TSPAN7: variants seen among roughly 807,000 people sequenced by gnomAD.
TSPAN7 encodes tetraspanin 7.
TSPAN7 carries 1 observed loss-of-function variant against 17.6 expected under a neutral mutation model. That is an observed-to-expected ratio of 0.06 (90% CI 0.02 to 0.27). TSPAN7 has a LOEUF of 0.27. TSPAN7 is among the 10% of genes least tolerant of loss of function. The pLI is 1.00. For synonymous variants in TSPAN7, 78 were observed against 79.0 expected (o/e 0.99, Z 0.07); for missense variants, 112 against 201.7 (o/e 0.56, Z 2.69).
chrX:38,659,663 A>AT (rs2069729093), intron 1 of TSPAN7, among the ~76,000 whole-genome samples: 1 of 63,140 alleles, frequency 1.6e-5, no homozygotes, highest in Admixed American at 2.3e-4. Context: ...TTTTAATTCT[A>AT]ATTTTTTTTT....
chrX:38,617,081 C>T (rs1755813241), intron 1 of TSPAN7, among the ~76,000 whole-genome samples: 2 of 111,928 alleles, frequency 1.8e-5, no homozygotes, highest in South Asian at 7.4e-4. Context: ...AAAGCAGCCA[C>T]AGTGTCCGTG....
intron 5 of TSPAN7, among the ~76,000 whole-genome samples, chrX:38,676,901 C>T (rs746589693): frequency 4.3e-4 from 48 of 112,139 alleles, no homozygotes; most frequent in Admixed American, 1.7e-3. Context: ...TGGACATCCC[C>T]ACTGAGTACC....
At chrX:38,578,312 G>A (rs2069208244) in intron 1 of TSPAN7, among the ~76,000 whole-genome samples, 1 of 111,847 alleles carries the variant, frequency 8.9e-6, no homozygotes, top group African/African-American at 3.2e-5. Context: ...GCATTTGGCC[G>A]GCAGCATTAA....
intron 1 of TSPAN7, among the ~76,000 whole-genome samples, chrX:38,578,620 G>T (rs1020360325): frequency 1.8e-5 from 2 of 110,451 alleles, no homozygotes; most frequent in Non-Finnish European, 3.8e-5. Flanking sequence ...ACTTTGGGGG[G>T]CTTTTTTCTC....
At chrX:38,608,336 G>A (rs981874235) in intron 1 of TSPAN7, 9 of 110,531 alleles carry the variant, frequency 8.1e-5, no homozygotes, top group Non-Finnish European at 1.5e-4. Context: ...TGAACTGTTA[G>A]CATGTGCCAA....
intron 6 of TSPAN7, among the ~76,000 whole-genome samples, chrX:38,682,343 G>A: frequency 8.9e-6 from 1 of 111,926 alleles, no homozygotes; most frequent in Non-Finnish European, 1.9e-5. Flanking sequence ...TTTTATTCCA[G>A]TTTGTTCCTA....
intron 2 of TSPAN7, among the ~76,000 whole-genome samples, chrX:38,670,425 G>A (rs1015030812): frequency 1.4e-4 from 16 of 112,199 alleles, no homozygotes; most frequent in African/African-American, 5.2e-4. Flanking sequence ...CAAAAAACTT[G>A]AGAAGTATCA....
chrX:38,613,072 C>G (rs2069430631), intron 1 of TSPAN7, among the ~76,000 whole-genome samples: 1 of 111,881 alleles, frequency 8.9e-6, no homozygotes. Flanking sequence ...AACTAACACT[C>G]AGGAGCTGGA....
chrX:38,600,929 T>G (rs1347505305), intron 1 of TSPAN7, among the ~76,000 whole-genome samples: 1 of 111,699 alleles, frequency 9.0e-6, no homozygotes, highest in Non-Finnish European at 1.9e-5. Flanking sequence ...TTTGTCTGTT[T>G]AAGCCAAACT....
chrX:38,609,907 G>A (rs375619338), intron 1 of TSPAN7, among the ~76,000 whole-genome samples: 15 of 110,128 alleles, frequency 1.4e-4, no homozygotes, highest in Admixed American at 4.9e-4. Context: ...AAGAAATGTC[G>A]CTAGGTTATG....
chrX:38,615,699 G>A (rs1370230700), intron 1 of TSPAN7, among the ~76,000 whole-genome samples: 2 of 112,381 alleles, frequency 1.8e-5, no homozygotes, highest in African/African-American at 6.5e-5. Context: ...GGAATAAAAT[G>A]CTTAAAGTAT....
chrX:38,591,933 T>G (rs963568620), intron 1 of TSPAN7, among the ~76,000 whole-genome samples: 3 of 111,857 alleles, frequency 2.7e-5, no homozygotes, highest in African/African-American at 9.7e-5. Flanking sequence ...GAAAAGAGGT[T>G]TAATTAGCTC....
intron 1 of TSPAN7, among the ~76,000 whole-genome samples, chrX:38,627,312 A>T (rs1408047756): frequency 9.0e-6 from 1 of 111,475 alleles, no homozygotes; most frequent in Non-Finnish European, 1.9e-5. Flanking sequence ...GGCTGGCAGA[A>T]GCATTAGGTT....
At chrX:38,635,247 G>A (rs147441178) in intron 1 of TSPAN7, among the ~76,000 whole-genome samples, 1,667 of 111,676 alleles carry the variant, frequency 0.015, 34 homozygotes, top group African/African-American at 0.051. Flanking sequence ...GAAGAGAAAG[G>A]AGCTAATTAG....
At chrX:38,567,510 C>A (rs780625145) in intron 1 of TSPAN7, among the ~76,000 whole-genome samples, 1 of 112,423 alleles carries the variant, frequency 8.9e-6, no homozygotes, top group South Asian at 3.7e-4. Context: ...ATTATGGGAG[C>A]TACAATTCAA....
At chrX:38,645,332 T>C (rs1242162819) in intron 1 of TSPAN7, among the ~76,000 whole-genome samples, 6 of 112,194 alleles carry the variant, frequency 5.3e-5, no homozygotes, top group Non-Finnish European at 1.1e-4. Flanking sequence ...ATGGTAGACC[T>C]GCAAACAAAG....
At chrX:38,655,593 A>G (rs755093885) in intron 1 of TSPAN7, among the ~76,000 whole-genome samples, 21 of 111,016 alleles carry the variant, frequency 1.9e-4, no homozygotes, top group African/African-American at 6.9e-4. Flanking sequence ...CACTGCATAC[A>G]TGCTTTCTTT....
chrX:38,675,425 T>C (rs974653556), intron 4 of TSPAN7, among the ~76,000 whole-genome samples: 15 of 112,338 alleles, frequency 1.3e-4, no homozygotes, highest in African/African-American at 4.9e-4. Flanking sequence ...TCTATATCAA[T>C]AGGTGATTGT....
chrX:38,613,931 G>A (rs1602099437), intron 1 of TSPAN7, among the ~76,000 whole-genome samples: 2 of 108,472 alleles, frequency 1.8e-5, no homozygotes, highest in East Asian at 5.8e-4. Context: ...TTTCAGAGGA[G>A]CCCTGTGCCC....
Sources: gnomAD v4.1 joint callset for allele counts (sites outside exome capture counted in the v4.1 genomes callset) on GRCh38, gnomAD v4.1.1 for gene constraint, MANE v1.5 for transcripts, NCBI Gene and HGNC (gene_info 2026-07-23, HGNC 2026-07-21) for gene names.